The following SUGP1 variants were observed in gnomAD, a reference collection of about 807,000 sequenced individuals.
The protein encoded by SUGP1 is SURP and G-patch domain-containing protein 1.
SUGP1 carries 34 observed loss-of-function variants against 76.5 expected under a neutral mutation model. That is an observed-to-expected ratio of 0.44 (90% CI 0.34 to 0.59). The LOEUF (loss-of-function observed/expected upper bound fraction) is 0.59, where lower values mean the gene tolerates loss of function less well. Among genes scored for constraint, SUGP1 ranks in the 20% least tolerant of loss-of-function variants. SUGP1 has a pLI of 0.01. For synonymous variants in SUGP1, 326 were observed against 326.2 expected, an observed-to-expected ratio of 1.00 and a Z score of 0.01; for missense variants, 752 against 851.7, an observed-to-expected ratio of 0.88 and a Z score of 1.46.
intron 7 of SUGP1, among the ~76,000 whole-genome samples, chr19:19,297,632 A>G (rs770404182): frequency 6.6e-6 from 1 of 152,176 alleles, no homozygotes; most frequent in Admixed American, 6.5e-5. Flanking sequence ...ACAAAGGGAA[A>G]GGGCAGGGAC....
rs141492283 is a variant in SUGP1 at position 19,320,397 on chromosome 19, G to C, written c.34+66C>G. 3 of 1,557,900 alleles carry C rather than the reference G, an allele frequency of 1.9e-6. No homozygotes were observed. The African/African-American group carries it at 4.1e-5, about 21-fold the overall frequency. On this transcript the variant is annotated intron_variant, in intron 1 of 13. Coordinates refer to ENST00000247001, the MANE Select transcript of SUGP1 (RefSeq NM_172231.4). ...CGGGTCGCAGCAGGACGGACCCGAG[G>C]AGTCAGGGGAGACACCTAGCCCCAG...
Position 19,297,055 on chromosome 19 carries a change from T to C in SUGP1, c.1177A>G (p.Lys393Glu), listed in dbSNP as rs750287204. The part of the protein sequence containing the change: ...RKSRWGPEED[K>E]VELPPAELVQ... ...AGTTCAGCAGGTGGGAGCTCTACCT[T>C]ATCCTCTTCAGGCCCCCACCGGCTC... Residue 393 changes from lysine (K) to glutamate (E), a missense_variant, in exon 8 of 14, where the codon AAG (lysine) becomes GAG (glutamate). By Grantham distance (56) the Lys-to-Glu change is moderately conservative (BLOSUM62 1). Transcript: ENST00000247001. The C allele has an allele frequency of 6.2e-7, 1 of 1,612,588 alleles. No homozygotes were observed. Among genetic ancestry groups the C allele is most frequent in the Non-Finnish European group, 8.5e-7 (1 of 1,179,772 alleles).
intron 2 of SUGP1, among the ~76,000 whole-genome samples, chr19:19,311,129 C>G (rs1054826440): frequency 6.7e-6 from 1 of 150,164 alleles, no homozygotes. Context: ...TGGCCTCAAG[C>G]AATGGTCCCA....
intron 3 of SUGP1, among the ~76,000 whole-genome samples, chr19:19,307,664 T>C (rs2061326964): frequency 6.6e-6 from 1 of 152,160 alleles, no homozygotes. Flanking sequence ...TTTTCTTTTT[T>C]TTTTTTCTTT....
At chr19:19,288,016 C>T (rs1039728694) in intron 8 of SUGP1, among the ~76,000 whole-genome samples, 5 of 152,166 alleles carry the variant, frequency 3.3e-5, no homozygotes, top group East Asian at 1.9e-4. Context: ...GATCCATGTC[C>T]GCTTCATAAA....
chr19:19,308,980 C>T (rs1353536729), intron 3 of SUGP1, among the ~76,000 whole-genome samples: 1 of 152,180 alleles, frequency 6.6e-6, no homozygotes, highest in Non-Finnish European at 1.5e-5. Flanking sequence ...GATTCCCCTG[C>T]CTCAGCCTCC....
intron 7 of SUGP1, among the ~76,000 whole-genome samples, chr19:19,300,987 C>T (rs1387102234): frequency 6.6e-6 from 1 of 152,212 alleles, no homozygotes; most frequent in African/African-American, 2.4e-5. Context: ...TTGCCTGCTT[C>T]TCCTTTGAAA....
chr19:19,311,017 C>G (rs929091591), intron 2 of SUGP1, among the ~76,000 whole-genome samples: 2 of 150,106 alleles, frequency 1.3e-5, no homozygotes, highest in Non-Finnish European at 3.0e-5. Context: ...ATAACAGGGA[C>G]TGCAGGCATG....
At chr19:19,292,189 C>T (rs548380973) in intron 8 of SUGP1, among the ~76,000 whole-genome samples, 5 of 149,126 alleles carry the variant, frequency 3.4e-5, no homozygotes, top group Admixed American at 1.4e-4. Context: ...AGGAGAATTG[C>T]TTGAACCTGG....
intron 1 of SUGP1, among the ~76,000 whole-genome samples, chr19:19,317,067 G>A (rs2061399588): frequency 6.6e-6 from 1 of 151,968 alleles, no homozygotes; most frequent in African/African-American, 2.4e-5. Context: ...GAACCAGGGA[G>A]GTGAAGGTTG....
chr19:19,299,191 T>C (rs866394552), intron 7 of SUGP1, among the ~76,000 whole-genome samples: 52 of 152,312 alleles, frequency 3.4e-4, no homozygotes, highest in African/African-American at 1.1e-3. Context: ...GCTGATGACA[T>C]AAGCCTTTCC....
intron 2 of SUGP1, among the ~76,000 whole-genome samples, chr19:19,315,897 T>G (rs1440943565): frequency 6.6e-6 from 1 of 151,812 alleles, no homozygotes; most frequent in Non-Finnish European, 1.5e-5. Flanking sequence ...AGTGGCACGA[T>G]CTCAACTCAC....
In SUGP1 at chr19:19,318,034, C is replaced by T. The variant is rs570242124; in HGVS notation, c.35-1441G>A. ...CCATGTTGTCCAGGCTGGTCTCGAA[C>T]TCCCGTCCTCAAGGGAACCTCCAAT... On this transcript the variant is annotated intron_variant, in intron 1 of 13. Transcript: ENST00000247001. Among the ~76,000 whole-genome samples the T allele has an allele frequency of 2.1e-4, 31 of 150,794 alleles. 1 individual carries two copies. The highest frequency in any genetic ancestry group is 7.1e-4 in the African/African-American group (29 of 40,990).
chr19:19,280,335 C>A (rs762095579), intron 8 of SUGP1, 44 bp from the exon 9 acceptor site: 1 of 1,562,606 alleles, frequency 6.4e-7, no homozygotes, highest in East Asian at 2.2e-5. Context: ...GACAGGTGCA[C>A]CCCGATCTCG....
rs757279695 is a variant in SUGP1, at chr19:19,302,336, C to A, written c.816G>T (p.Arg272Ser). Residue 272 changes from arginine (R) to serine (S), a missense_variant, in exon 7 of 14, where the codon AGG (arginine) becomes AGT (serine). Physicochemically the swap from Arg to Ser is moderately radical, Grantham distance 110. Coordinates refer to ENST00000247001, the MANE Select transcript of SUGP1 (RefSeq NM_172231.4). ...EVKNLAEKLA[R>S]FIADGGPEVE... Reference sequence around the variant, plus strand: ...CCTCGGGACCCCCGTCCGCTATGAACCTGGCCAACTTTTCTGCAAGGTTCT... The same window carrying A: ...CCTCGGGACCCCCGTCCGCTATGAAACTGGCCAACTTTTCTGCAAGGTTCT... 4.3e-6 allele frequency: 7 copies of A among 1,614,196 alleles called. 1 individual carries two copies. In the South Asian group the frequency reaches 5.5e-5, roughly 13 times the overall value.
At chr19:19,278,907 G>A in intron 10 of SUGP1, 111 bp from the exon 11 acceptor site, 4 of 1,150,264 alleles carry the variant, frequency 3.5e-6, no homozygotes, top group Non-Finnish European at 5.1e-6. Flanking sequence ...GGGGCCCCCA[G>A]GGAAGGAGGC....
intron 1 of SUGP1, among the ~76,000 whole-genome samples, chr19:19,319,595 G>A (rs776738930): frequency 6.7e-6 from 1 of 150,230 alleles, no homozygotes; most frequent in Non-Finnish European, 1.5e-5. Flanking sequence ...GTGGTGGCGC[G>A]CATCTGTGGT....
rs201692657 is a variant in SUGP1, at chr19:19,305,813, A to AC, written c.538+35dup. 10,099 of 1,564,334 alleles carry AC rather than the reference A, an allele frequency of 6.5e-3. 577 individuals carry two copies. In the African/African-American group the frequency reaches 0.12, roughly 19 times the overall value. On this transcript the variant is annotated intron_variant, in intron 4 of 13. Transcript: ENST00000247001. ...AGATCCCACCTGCTAGAGCACGGGC[A>AC]CTGGTGGTGGGGGAGCAGCAGCTCC...
At chr19:19,288,408 T>C (rs995447357) in intron 8 of SUGP1, among the ~76,000 whole-genome samples, 2 of 152,166 alleles carry the variant, frequency 1.3e-5, no homozygotes, top group South Asian at 2.1e-4. Flanking sequence ...ACATAATACA[T>C]ATAACATATA....
Sources: allele counts gnomAD v4.1 joint callset (sites outside exome capture counted in the v4.1 genomes callset), GRCh38; gene constraint gnomAD v4.1.1; transcripts MANE v1.5; gene names NCBI Gene and HGNC (gene_info 2026-07-23, HGNC 2026-07-21).